OSBPL6: variants seen among roughly 807,000 people sequenced by gnomAD.
The protein encoded by OSBPL6 is oxysterol binding protein like 6.
OSBPL6 carries 49 observed loss-of-function variants against 125.8 expected under a neutral mutation model. The observed-to-expected ratio is 0.39, with a 90% CI of 0.31 to 0.49. OSBPL6 has a LOEUF of 0.49. Among genes scored for constraint, OSBPL6 ranks in the 20% least tolerant of loss-of-function variants. The pLI is 0.88. For missense variants in OSBPL6, 986 were observed against 1,135.4 expected (o/e 0.87, Z 1.89); for synonymous variants, 394 against 391.8 (o/e 1.01, Z -0.07).
intron 22 of OSBPL6, among the ~76,000 whole-genome samples, chr2:178,391,608 T>A (rs1193461380): frequency 1.3e-5 from 2 of 152,338 alleles, no homozygotes; most frequent in East Asian, 3.9e-4. Context: ...ACTACAAACA[T>A]TTGTAATCCA....
Position 178,383,235 on chromosome 2 carries a change from C to G in OSBPL6, c.1833C>G (p.Leu611=). The G allele has an allele frequency of 6.2e-7, 1 of 1,614,186 alleles. No homozygotes were observed. Among genetic ancestry groups the G allele is most frequent in the Non-Finnish European group, 8.5e-7 (1 of 1,180,036 alleles). Residue 611 remains leucine, a synonymous_variant, in exon 17 of 25, where the codon CTC becomes CTG. Coordinates refer to ENST00000190611, the MANE Select transcript of OSBPL6 (RefSeq NM_032523.4). ...HLCEEMEYSE[L]LDKASETDDP... ...GTGAGGAAATGGAATACAGCGAGCT[C>G]CTGGACAAGGCTTCGGAAACTGATG... is the stretch of plus-strand genomic sequence containing the variant.
chr2:178,344,374 A>G, intron 11 of OSBPL6: 1 of 1,612,990 alleles, frequency 6.2e-7, no homozygotes, highest in Non-Finnish European at 8.5e-7. Context: ...AGTGGATTTC[A>G]ATCTCAAGTG....
chr2:178,288,712 G>A lies in OSBPL6; in HGVS notation c.-156+3591G>A, dbSNP rs912621461. On this transcript the variant is annotated intron_variant, in intron 2 of 24. Coordinates refer to ENST00000190611, the MANE Select transcript of OSBPL6 (RefSeq NM_032523.4). Reference sequence around the variant, plus strand: ...TGCCTAGGCTGGAATGCAGTGGCGCGATCTCAGCTCACTACAACCTCTGCC... The same window carrying A: ...TGCCTAGGCTGGAATGCAGTGGCGCAATCTCAGCTCACTACAACCTCTGCC... 8.6e-5 allele frequency among the ~76,000 whole-genome samples: 13 copies of A among 151,542 alleles called. No homozygotes were observed. The South Asian group carries it at 1.5e-3, about 17-fold the overall frequency.
intron 1 of OSBPL6, among the ~76,000 whole-genome samples, chr2:178,214,704 G>A (rs539343223): frequency 3.3e-5 from 5 of 152,228 alleles, no homozygotes; most frequent in African/African-American, 7.2e-5. Flanking sequence ...CCAGCTACTC[G>A]GGAGGCTGAG....
At chr2:178,326,987 T>C (rs1048389335) in intron 4 of OSBPL6, among the ~76,000 whole-genome samples, 2 of 151,762 alleles carry the variant, frequency 1.3e-5, no homozygotes, top group African/African-American at 4.8e-5. Flanking sequence ...GAATGATACA[T>C]TGGAAACTTT....
intron 1 of OSBPL6, among the ~76,000 whole-genome samples, chr2:178,239,030 A>G (rs2091178411): frequency 6.6e-6 from 1 of 152,300 alleles, no homozygotes; most frequent in Non-Finnish European, 1.5e-5. Flanking sequence ...TGACACATTA[A>G]AAAATATATT....
In OSBPL6 at chr2:178,392,482, T is replaced by C. The variant is rs574619116; in HGVS notation, c.2517T>C (p.Asp839=). The change falls in exon 23 of 25, where the codon GAT becomes GAC. Residue 839 remains aspartate (D), a synonymous_variant. Transcript: ENST00000190611. ...TRFAIELNEL[D]PVLKDLLPPT... ...TTGCTATTGAGCTCAATGAGTTAGA[T>C]CCAGTACTAAAAGATCTCCTTCCAC... The C allele has an allele frequency of 6.2e-7, 1 of 1,614,106 alleles. No homozygotes were observed. The highest frequency in any genetic ancestry group is 8.5e-7 in the Non-Finnish European group (1 of 1,180,012).
chr2:178,380,388 C>T (rs1263874847), intron 15 of OSBPL6, among the ~76,000 whole-genome samples: 1 of 138,470 alleles, frequency 7.2e-6, no homozygotes, highest in Non-Finnish European at 1.5e-5. Flanking sequence ...GAGTTATGAG[C>T]TCAGGTTGCA....
chr2:178,210,823 A>AAACAC (rs1457176072), intron 1 of OSBPL6, among the ~76,000 whole-genome samples: 3 of 145,438 alleles, frequency 2.1e-5, no homozygotes, highest in African/African-American at 7.8e-5. Flanking sequence ...AAAAAAAAAA[A>AAACAC]ACACACACAC....
chr2:178,216,082 C>T (rs1249115329), intron 1 of OSBPL6, among the ~76,000 whole-genome samples: 1 of 152,122 alleles, frequency 6.6e-6, no homozygotes, highest in African/African-American at 2.4e-5. Context: ...ATCCATAGGA[C>T]CTTGGTACCA....
intron 19 of OSBPL6, 136 bp from the exon 20 acceptor site, chr2:178,386,925 G>C (rs1694991195): frequency 2.1e-6 from 1 of 470,866 alleles, no homozygotes; most frequent in Non-Finnish European, 3.7e-6. Flanking sequence ...GCAGGCACTT[G>C]TCATACTAAA....
At chr2:178,264,785 T>C (rs2092176030) in intron 1 of OSBPL6, among the ~76,000 whole-genome samples, 1 of 152,218 alleles carries the variant, frequency 6.6e-6, no homozygotes, top group African/African-American at 2.4e-5. Context: ...TATTTTACTT[T>C]TTTAGGATTT....
Position 178,324,273 on chromosome 2 carries a change from A to G in OSBPL6, c.195+4A>G. On this transcript the variant is annotated splice_donor_region_variant and intron_variant, in intron 4 of 24. Transcript: ENST00000190611. ...GGAGCCAGTCCCCCTCTCCAAGGTCAGTGATGAAATGCGGTGCTTTCTCTG... is the reference window on the plus strand; with the variant it reads ...GGAGCCAGTCCCCCTCTCCAAGGTCGGTGATGAAATGCGGTGCTTTCTCTG... The G allele has an allele frequency of 1.9e-6, 3 of 1,558,346 alleles. No homozygotes were observed. The highest frequency in any genetic ancestry group is 2.6e-6 in the Non-Finnish European group (3 of 1,143,316).
intron 1 of OSBPL6, among the ~76,000 whole-genome samples, chr2:178,216,176 A>G (rs1205922518): frequency 6.6e-6 from 1 of 152,204 alleles, no homozygotes; most frequent in African/African-American, 2.4e-5. Context: ...GCTGATTCTA[A>G]GAGGATATCT....
chr2:178,375,692 G>A (rs1305432994), intron 15 of OSBPL6, among the ~76,000 whole-genome samples: 2 of 152,126 alleles, frequency 1.3e-5, no homozygotes, highest in Non-Finnish European at 2.9e-5. Flanking sequence ...CAAAGTGCTG[G>A]GATTACAGGC....
At chr2:178,344,304 G>A in intron 11 of OSBPL6, 2 of 1,614,080 alleles carry the variant, frequency 1.2e-6, no homozygotes, top group South Asian at 1.1e-5. Flanking sequence ...ACCCGCGAAG[G>A]GCCAGTTCAG....
Position 178,370,815 on chromosome 2 carries a change from A to G in OSBPL6, c.1288-1311A>G, listed in dbSNP as rs1693314379. Among the ~76,000 whole-genome samples, 3 of 152,218 alleles carry G rather than the reference A, an allele frequency of 2.0e-5. 1 individual carries two copies. Among genetic ancestry groups the G allele is most frequent in the South Asian group, 2.1e-4 (1 of 4,834 alleles). ...TTACAAACTGGTTCTAACAGCTTCA[A>G]ACAAAATCCAAAGGCTGCAACTGAT... On this transcript the variant is annotated intron_variant, in intron 13 of 24. Coordinates refer to ENST00000190611, the MANE Select transcript of OSBPL6 (RefSeq NM_032523.4).
intron 3 of OSBPL6, among the ~76,000 whole-genome samples, chr2:178,311,226 C>T (rs1687240581): frequency 6.6e-6 from 1 of 152,178 alleles, no homozygotes; most frequent in Non-Finnish European, 1.5e-5. Context: ...ACACACCCAC[C>T]TCAGGGCCTT....
chr2:178,397,799 A>G lies in OSBPL6; in HGVS notation c.*2240A>G, dbSNP rs2154122206. ...GTTATAATTACAAAAAAGAAAAAAT[A>G]GTAGAAAGGATCTTTACCAGACAGT... On this transcript the variant is annotated 3_prime_UTR_variant, in exon 25 of 25. Transcript: ENST00000190611. 6.6e-6 allele frequency: 1 copy of G among 152,372 alleles called. No homozygotes were observed. Among genetic ancestry groups the G allele is most frequent in the South Asian group, 2.1e-4 (1 of 4,834 alleles). The allele number at this position is 152,372 out of a possible 1,614,324, so 9.4% of individuals were successfully genotyped here.
Sources: allele counts gnomAD v4.1 joint callset (sites outside exome capture counted in the v4.1 genomes callset), GRCh38; gene constraint gnomAD v4.1.1; transcripts MANE v1.5; gene names NCBI Gene and HGNC (gene_info 2026-07-23, HGNC 2026-07-21).